Variants in ZNF141 observed in about 807,000 individuals in gnomAD.
ZNF141 encodes the protein zinc finger protein 141 (clone pHZ-44).
ZNF141 carries 7 observed loss-of-function variants against 11.3 expected under a neutral mutation model. That is an observed-to-expected ratio of 0.62 (90% CI 0.35 to 1.16). ZNF141 has a LOEUF of 1.16. Ranked by LOEUF, ZNF141 falls within the 50% of genes most tolerant of loss-of-function variation. ZNF141 has a pLI of 0.02. For synonymous variants in ZNF141, 183 were observed against 190.7 expected (o/e 0.96, Z 0.33); for missense variants, 535 against 554.0 (o/e 0.97, Z 0.34).
Position 383,135 on chromosome 4 carries a change from C to T in ZNF141, c.*9273C>T. 1 of 701,600 alleles carries T rather than the reference C, an allele frequency of 1.4e-6. No homozygotes were observed. The highest frequency in any genetic ancestry group is 2.6e-6 in the Non-Finnish European group (1 of 384,574). 43.5% of individuals were successfully genotyped at this position (701,600 alleles called of 1,614,324 possible). A position where few individuals can be genotyped will look rare whatever the true frequency, so the allele number is the denominator to read the frequency against. Reference sequence around the variant, plus strand: ...ATGACAACAAGCCCATTTTAGCTTTCTGGAGAATAGCATCTGAGAAAAGCC... The same window carrying T: ...ATGACAACAAGCCCATTTTAGCTTTTTGGAGAATAGCATCTGAGAAAAGCC... On this transcript the variant is annotated 3_prime_UTR_variant, in exon 4 of 4. Transcript: ENST00000240499.
chr4:360,140 A>G (rs1368555072), intron 3 of ZNF141, among the ~76,000 whole-genome samples: 2 of 152,204 alleles, frequency 1.3e-5, no homozygotes, highest in African/African-American at 4.8e-5. Flanking sequence ...TCGCAGTCTT[A>G]CACATGGATT....
intron 3 of ZNF141, among the ~76,000 whole-genome samples, chr4:348,184 A>G (rs1581589869): frequency 3.9e-5 from 6 of 152,040 alleles, no homozygotes; most frequent in East Asian, 1.9e-4. Flanking sequence ...ATGCTTTTCT[A>G]TTTTGTAGGG....
intron 3 of ZNF141, among the ~76,000 whole-genome samples, chr4:354,600 C>T (rs1217738024): frequency 4.0e-5 from 6 of 151,878 alleles, no homozygotes; most frequent in Non-Finnish European, 7.4e-5. Context: ...GTTTATTATG[C>T]TAACATTGGG....
chr4:372,677 T>C lies in ZNF141; in HGVS notation c.240T>C (p.His80=), dbSNP rs782506884. ...TATTTCTTTCAGCTATGTGTTCTCA[T>C]TTCACCCAAGACCATTGGCCAGTGC... ...IVARPPAMCS[H]FTQDHWPVQG... Residue 80 remains histidine (H), a synonymous_variant, in exon 4 of 4, where the codon CAT becomes CAC. Transcript: ENST00000240499. 8 of 1,526,244 alleles carry C rather than the reference T, an allele frequency of 5.2e-6. No individual in the cohort carries two copies. The Admixed American group carries it at 1.7e-4, about 33-fold the overall frequency. 94.5% of individuals were successfully genotyped at this position (1,526,244 alleles called of 1,614,324 possible).
At chr4:344,562 G>A (rs1205521111) in intron 3 of ZNF141, 132 bp downstream of exon 3, 30 of 591,508 alleles carry the variant, frequency 5.1e-5, no homozygotes, top group Middle Eastern at 3.1e-4. Context: ...TTGGGAGGCC[G>A]AGGCAGGCGG....
At chr4:348,542 G>A (rs891274068) in intron 3 of ZNF141, among the ~76,000 whole-genome samples, 1 of 152,008 alleles carries the variant, frequency 6.6e-6, no homozygotes, top group African/African-American at 2.4e-5. Flanking sequence ...GTGAAACCCT[G>A]TCTCTACTAA....
chr4:356,087 C>T (rs1038756762), intron 3 of ZNF141, among the ~76,000 whole-genome samples: 9 of 151,772 alleles, frequency 5.9e-5, no homozygotes, highest in South Asian at 2.1e-4. Context: ...AAAAACTAGC[C>T]GGGTGCGGTG....
intron 1 of ZNF141, chr4:338,310 G>C (rs1553847905): frequency 2.8e-6 from 1 of 351,728 alleles, no homozygotes; most frequent in Non-Finnish European, 5.3e-6. Context: ...GCTGTGGTCT[G>C]GGGATCCCGT....
chr4:369,096 C>T (rs902759278), intron 3 of ZNF141, among the ~76,000 whole-genome samples: 6 of 152,036 alleles, frequency 3.9e-5, no homozygotes, highest in Non-Finnish European at 7.4e-5. Context: ...TTACATTGCT[C>T]CCTATATCTT....
At chr4:359,780 T>G (rs1157252635) in intron 3 of ZNF141, among the ~76,000 whole-genome samples, 1 of 152,178 alleles carries the variant, frequency 6.6e-6, no homozygotes, top group Non-Finnish European at 1.5e-5. Flanking sequence ...AGATCCACCA[T>G]CAAATAAATA....
chr4:359,827 T>A (rs1722024643), intron 3 of ZNF141, among the ~76,000 whole-genome samples: 1 of 152,122 alleles, frequency 6.6e-6, no homozygotes, highest in African/African-American at 2.4e-5. Flanking sequence ...GATGGATATT[T>A]CTGTCTGTGG....
intron 1 of ZNF141, among the ~76,000 whole-genome samples, chr4:339,811 G>A (rs561126695): frequency 1.1e-4 from 17 of 152,338 alleles, no homozygotes; most frequent in African/African-American, 4.1e-4. Flanking sequence ...CTGTAGCAGA[G>A]TAGGAGGCTG....
rs1183797066 is a variant in ZNF141 at position 373,702 on chromosome 4, C to G, written c.1265C>G (p.Pro422Arg). The change falls in exon 4 of 4, where the codon CCC becomes CGC. Residue 422 changes from proline (P) to arginine (R), a missense_variant. Pro to Arg is a moderately radical substitution (Grantham distance 103). Transcript: ENST00000240499. ...AAGAAAATTCATAGTGCAGATAAAC[C>G]CTACAAATGTAAAGAATGTGACAAA... is the stretch of plus-strand genomic sequence containing the variant. The part of the protein sequence containing the change: ...QHKKIHSADK[P>R]YKCKECDKAF... The G allele has an allele frequency of 5.0e-6, 8 of 1,613,910 alleles. No individual in the cohort carries two copies. Among genetic ancestry groups the G allele is most frequent in the African/African-American group, 4.0e-5 (3 of 74,874 alleles).
Position 380,170 on chromosome 4 carries a change from T to C in ZNF141, c.*6308T>C, listed in dbSNP as rs538269561. On this transcript the variant is annotated 3_prime_UTR_variant, in exon 4 of 4. Coordinates refer to ENST00000240499, the MANE Select transcript of ZNF141 (RefSeq NM_003441.4). ...TTTCAAATGAAAAGATTTCCTCCCT[T>C]TTAACGTTGAATTGTATTTCCTTGT... Among the ~76,000 whole-genome samples, 69 of 152,326 alleles carry C rather than the reference T, an allele frequency of 4.5e-4. No homozygotes were observed. Among genetic ancestry groups the C allele is most frequent in the African/African-American group, 1.5e-3 (64 of 41,578 alleles).
At chr4:338,067 C>A in intron 1 of ZNF141, 81 bp downstream of exon 1, 1 of 1,584,530 alleles carries the variant, frequency 6.3e-7, no homozygotes, top group East Asian at 2.3e-5. Flanking sequence ...ACCGAGTCTG[C>A]GAACGGAGTC....
intron 3 of ZNF141, among the ~76,000 whole-genome samples, chr4:349,097 A>G (rs782697567): frequency 7.2e-5 from 11 of 151,976 alleles, no homozygotes; most frequent in Admixed American, 2.6e-4. Context: ...AATGGTTTCT[A>G]TTTTTGGAAA....
chr4:345,650 C>T (rs1721284317), intron 3 of ZNF141, among the ~76,000 whole-genome samples: 1 of 151,196 alleles, frequency 6.6e-6, no homozygotes, highest in Non-Finnish European at 1.5e-5. Flanking sequence ...ATTGCTTGAA[C>T]CCAGGAGACG....
Position 360,449 on chromosome 4 carries a change from A to G in ZNF141, c.227-12215A>G, listed in dbSNP as rs7675459. Among the ~76,000 whole-genome samples, 390 of 152,312 alleles carry G rather than the reference A, an allele frequency of 2.6e-3. 4 individuals carry two copies. Among genetic ancestry groups the G allele is most frequent in the African/African-American group, 8.9e-3 (370 of 41,568 alleles). On this transcript the variant is annotated intron_variant, in intron 3 of 3. Coordinates refer to ENST00000240499, the MANE Select transcript of ZNF141 (RefSeq NM_003441.4). The stretch of plus-strand genomic sequence containing the variant: ...TGGCATGTCAAAGATTCAAAATGCC[A>G]GCTCTTCATAAGTCACAGTTGAAAA...
At position 376,885 on chromosome 4, in the gene ZNF141, A is replaced by G. The variant is rs1712397699; in HGVS notation, c.*3023A>G. 6.6e-6 allele frequency among the ~76,000 whole-genome samples: 1 copy of G among 152,104 alleles called. No individual in the cohort carries two copies. Among genetic ancestry groups the G allele is most frequent in the Non-Finnish European group, 1.5e-5 (1 of 67,966 alleles). ...GGATTGTCGTTGAGAATCTCCCCAT[A>G]CAAACTCCTTGTTTTTATTTGTCTG... On this transcript the variant is annotated 3_prime_UTR_variant, in exon 4 of 4. Transcript: ENST00000240499.
Sources: allele counts gnomAD v4.1 joint callset (sites outside exome capture counted in the v4.1 genomes callset), GRCh38; gene constraint gnomAD v4.1.1; transcripts MANE v1.5; gene names NCBI Gene and HGNC (gene_info 2026-07-23, HGNC 2026-07-21).